The following FANCA variants were observed in gnomAD, a reference collection of about 807,000 sequenced individuals.
FANCA encodes the protein Fanconi anemia group A protein.
In FANCA, 236 loss-of-function variants were observed where a neutral mutation model predicts 194.3. That is an observed-to-expected ratio of 1.21 (90% confidence interval 1.09 to 1.35). The LOEUF is 1.35. FANCA is among the 40% of genes most tolerant of loss of function. FANCA has a pLI of 0.00. For missense variants in FANCA, 2,628 were observed against 1,813.9 expected, an observed-to-expected ratio of 1.45 and a Z score of -8.15; for synonymous variants, 1,014 against 715.8, an observed-to-expected ratio of 1.42 and a Z score of -6.65.
At chr16:89,787,262 G>C (rs540994465) in intron 14 of FANCA, among the ~76,000 whole-genome samples, 1 of 152,270 alleles carries the variant, frequency 6.6e-6, no homozygotes, top group South Asian at 2.1e-4. Flanking sequence ...GGTGGCTAGC[G>C]CCTGTGATCC....
chr16:89,758,814 T>C, intron 29 of FANCA, 109 bp from the exon 30 acceptor site: 9 of 1,557,436 alleles, frequency 5.8e-6, no homozygotes, highest in Non-Finnish European at 7.9e-6. Flanking sequence ...TAGTGAGAGC[T>C]GGGTTGAGAC....
At chr16:89,810,667 C>T in intron 5 of FANCA, 40 bp downstream of exon 5, 1 of 1,312,530 alleles carries the variant, frequency 7.6e-7, no homozygotes, top group Non-Finnish European at 1.1e-6. Flanking sequence ...AGAACATTGC[C>T]TGGAACACTG....
intron 11 of FANCA, among the ~76,000 whole-genome samples, chr16:89,795,300 A>G (rs1285549414): frequency 6.7e-6 from 1 of 150,080 alleles, no homozygotes; most frequent in African/African-American, 2.4e-5. Context: ...ATAAATAAAT[A>G]AATAAATAAA....
At chr16:89,797,941 T>C (rs2040304231) in intron 10 of FANCA, among the ~76,000 whole-genome samples, 2 of 152,060 alleles carry the variant, frequency 1.3e-5, no homozygotes, top group South Asian at 4.2e-4. Context: ...TTACAAAATA[T>C]AAAAATCGGC....
At chr16:89,807,410 C>T (rs1350362143) in intron 6 of FANCA, among the ~76,000 whole-genome samples, 3 of 151,726 alleles carry the variant, frequency 2.0e-5, no homozygotes, top group Non-Finnish European at 2.9e-5. Context: ...GCCCAGATCT[C>T]ACCACTGCAC....
At chr16:89,801,464 A>C (rs1192646545) in intron 8 of FANCA, among the ~76,000 whole-genome samples, 1 of 152,180 alleles carries the variant, frequency 6.6e-6, no homozygotes, top group African/African-American at 2.4e-5. Flanking sequence ...AAAATAACAA[A>C]TGCTGGTGAG....
chr16:89,795,630 T>G (rs1265230100), intron 11 of FANCA, among the ~76,000 whole-genome samples: 1 of 152,210 alleles, frequency 6.6e-6, no homozygotes, highest in Non-Finnish European at 1.5e-5. Flanking sequence ...TGAGTGAGAC[T>G]CTGACTCAAA....
At position 89,814,629 on chromosome 16, in the gene FANCA, CAACA is replaced by C. The variant is rs2041029662; in HGVS notation, c.190-20_190-17del. On this transcript the variant is annotated splice_polypyrimidine_tract_variant and intron_variant, in intron 2 of 42. Transcript: ENST00000389301. ...GACCTTCTACCTAGAATCCAAAACACAACAAACTCCATTTAAAAAATTCAAGCTC... is the reference window on the plus strand; with the variant it reads ...GACCTTCTACCTAGAATCCAAAACACAACTCCATTTAAAAAATTCAAGCTC... 2 of 1,585,320 alleles carry C rather than the reference CAACA, an allele frequency of 1.3e-6. No homozygotes were observed. Among genetic ancestry groups the C allele is most frequent in the African/African-American group, 2.7e-5 (2 of 74,262 alleles).
intron 20 of FANCA, among the ~76,000 whole-genome samples, chr16:89,777,965 C>T (rs2039565855): frequency 6.6e-6 from 1 of 152,004 alleles, no homozygotes; most frequent in African/African-American, 2.4e-5. Flanking sequence ...AGTTCAAGAC[C>T]AGCCTGACTA....
intron 3 of FANCA, among the ~76,000 whole-genome samples, chr16:89,814,110 T>G (rs1398600122): frequency 6.6e-6 from 1 of 152,184 alleles, no homozygotes; most frequent in Admixed American, 6.5e-5. Context: ...AATAACTTAC[T>G]GTTGTTGACC....
intron 30 of FANCA, 86 bp from the exon 31 acceptor site, chr16:89,752,308 T>G: frequency 9.4e-7 from 1 of 1,064,582 alleles, no homozygotes; most frequent in Non-Finnish European, 1.5e-6. Flanking sequence ...CGGAGCTGAG[T>G]GATGGCTGTG....
At chr16:89,816,351 G>C in intron 1 of FANCA, 186 bp downstream of exon 1, 1 of 322,674 alleles carries the variant, frequency 3.1e-6, no homozygotes, top group Non-Finnish European at 5.4e-6. Context: ...CGTCCGCCCA[G>C]GCGCAGGAGG....
chr16:89,739,668 T>C, intron 39 of FANCA, 115 bp from the exon 40 acceptor site: 1 of 1,508,298 alleles, frequency 6.6e-7, no homozygotes, highest in South Asian at 1.2e-5. Context: ...GTGGGGATAG[T>C]GTGGGGCGAA....
intron 8 of FANCA, among the ~76,000 whole-genome samples, chr16:89,800,686 C>G (rs2040415583): frequency 6.6e-6 from 1 of 152,110 alleles, no homozygotes; most frequent in Admixed American, 6.6e-5. Flanking sequence ...GAAATGAAAA[C>G]AGCATGAGGT....
In FANCA at chr16:89,758,680, G is replaced by C. The variant is rs923046981; in HGVS notation, c.2878C>G (p.His960Asp). Reference sequence around the variant, plus strand: ...GAGGACTCAGGGAGAAAGTGCTCATGGATCGCCCACTGGTGGAAGTCCTGC... The same window carrying C: ...GAGGACTCAGGGAGAAAGTGCTCATCGATCGCCCACTGGTGGAAGTCCTGC... ...ERQDFHQWAI[H>D]EHFLPESSAS... is the part of the protein sequence containing the mutation. Residue 960 changes from histidine (H) to aspartate (D), a missense_variant, in exon 30 of 43, where the codon CAT becomes GAT. Transcript: ENST00000389301. The C allele has an allele frequency of 6.2e-7, 1 of 1,613,806 alleles. No individual in the cohort carries two copies. The highest frequency in any genetic ancestry group is 1.3e-5 in the African/African-American group (1 of 74,918).
intron 21 of FANCA, among the ~76,000 whole-genome samples, chr16:89,774,367 G>C (rs866193237): frequency 1.3e-5 from 2 of 152,072 alleles, no homozygotes; most frequent in South Asian, 4.1e-4. Flanking sequence ...AGAAGCAAAC[G>C]CCTCACACCG....
At chr16:89,743,641 T>C (rs1165755895) in intron 36 of FANCA, among the ~76,000 whole-genome samples, 1 of 151,850 alleles carries the variant, frequency 6.6e-6, no homozygotes, top group Non-Finnish European at 1.5e-5. Context: ...CTGACCAACG[T>C]GGAGAAACCC....
At chr16:89,766,161 T>A (rs1409580983) in intron 27 of FANCA, among the ~76,000 whole-genome samples, 1 of 151,342 alleles carries the variant, frequency 6.6e-6, no homozygotes, top group Non-Finnish European at 1.5e-5. Context: ...CACGCCTGGC[T>A]AATTTTTGTA....
chr16:89,762,757 G>A, intron 28 of FANCA: 1 of 453,048 alleles, frequency 2.2e-6, no homozygotes, highest in South Asian at 1.6e-5. Context: ...CAGCCTCTCA[G>A]ATGGCTGGGA....
Sources: allele counts gnomAD v4.1 joint callset (sites outside exome capture counted in the v4.1 genomes callset), GRCh38; gene constraint gnomAD v4.1.1; transcripts MANE v1.5; gene names NCBI Gene and HGNC (gene_info 2026-07-23, HGNC 2026-07-21).